PTPN14: variants seen among roughly 807,000 people sequenced by gnomAD.
The protein encoded by PTPN14 is protein tyrosine phosphatase non-receptor type 14.
PTPN14 carries 53 observed loss-of-function variants against 126.8 expected under a neutral mutation model. That is an observed-to-expected ratio of 0.42 (90% confidence interval 0.34 to 0.53). PTPN14 has a LOEUF of 0.53. Among genes scored for constraint, PTPN14 ranks in the 20% least tolerant of loss-of-function variants. PTPN14 has a pLI of 0.08. For synonymous variants in PTPN14, 630 were observed against 599.3 expected (o/e 1.05, Z -0.75); for missense variants, 1,257 against 1,552.9 (o/e 0.81, Z 3.20).
At chr1:214,379,862 T>C (rs1434303451) in intron 13 of PTPN14, among the ~76,000 whole-genome samples, 3 of 152,206 alleles carry the variant, frequency 2.0e-5, no homozygotes, top group Non-Finnish European at 4.4e-5. Flanking sequence ...AACCAAGCCA[T>C]GCCCCGACCA....
chr1:214,457,096 T>C (rs933356164), intron 2 of PTPN14, among the ~76,000 whole-genome samples: 4 of 152,204 alleles, frequency 2.6e-5, no homozygotes, highest in African/African-American at 9.7e-5. Flanking sequence ...GAAATATTCT[T>C]CATGTAAGTT....
At chr1:214,498,290 T>C (rs1654597042) in intron 1 of PTPN14, among the ~76,000 whole-genome samples, 1 of 152,180 alleles carries the variant, frequency 6.6e-6, no homozygotes, top group South Asian at 2.1e-4. Context: ...CATGATACTG[T>C]AGAGATTCAT....
Position 214,451,924 on chromosome 1 carries a change from C to G in PTPN14, c.225G>C (p.Trp75Cys). 1 of 1,614,204 alleles carries G rather than the reference C, an allele frequency of 6.2e-7. No individual in the cohort carries two copies. Among genetic ancestry groups the G allele is most frequent in the Non-Finnish European group, 8.5e-7 (1 of 1,180,032 alleles). Residue 75 changes from tryptophan (W) to cysteine (C), a missense_variant, in exon 3 of 19, where the codon TGG becomes TGC. Coordinates refer to ENST00000366956, the MANE Select transcript of PTPN14 (RefSeq NM_005401.5). The stretch of plus-strand genomic sequence containing the variant: ...TCTTCAGAGGTTTCTCCAGCTCCAC[C>G]CATCGTGCTTGCTGGCTCTTGCTGA... ...WFLSKSQQAR[W>C]VELEKPLKKH...
intron 1 of PTPN14, among the ~76,000 whole-genome samples, chr1:214,525,352 C>T (rs1204103255): frequency 6.6e-6 from 1 of 152,146 alleles, no homozygotes; most frequent in Non-Finnish European, 1.5e-5. Context: ...TATATCCAAA[C>T]AAAATTAATT....
intron 1 of PTPN14, among the ~76,000 whole-genome samples, chr1:214,468,137 G>C (rs547492663): frequency 6.6e-6 from 1 of 152,312 alleles, no homozygotes; most frequent in East Asian, 1.9e-4. Flanking sequence ...ATTTTCTTCA[G>C]ATTTTGATAG....
chr1:214,391,845 T>C (rs1658760300), intron 10 of PTPN14, among the ~76,000 whole-genome samples: 1 of 152,136 alleles, frequency 6.6e-6, no homozygotes, highest in African/African-American at 2.4e-5. Context: ...ATGGAGGTAA[T>C]ATAGCAATGG....
Position 214,364,701 on chromosome 1 carries a change from C to A in PTPN14, c.3272-26G>T. ...CTGCAGGACAAAATGCAAATTCTGT[C>A]ACCAAAGTCCTCCATGGCTTCGCAT... is the stretch of plus-strand genomic sequence containing the variant. On this transcript the variant is annotated intron_variant, in intron 17 of 18. Coordinates refer to ENST00000366956, the MANE Select transcript of PTPN14 (RefSeq NM_005401.5). The surrounding 1 kb of genome is among the most constrained non-coding windows in gnomAD (Gnocchi z 4.1). 1 of 1,600,620 alleles carries A rather than the reference C, an allele frequency of 6.2e-7. No homozygotes were observed.
intron 3 of PTPN14, among the ~76,000 whole-genome samples, chr1:214,446,560 A>C (rs1440340194): frequency 6.6e-6 from 1 of 152,206 alleles, no homozygotes; most frequent in African/African-American, 2.4e-5. Flanking sequence ...TTTATTAAAC[A>C]ATTTGCAATC....
intron 2 of PTPN14, among the ~76,000 whole-genome samples, chr1:214,463,547 C>A (rs1660559810): frequency 6.6e-6 from 1 of 152,122 alleles, no homozygotes; most frequent in Admixed American, 6.5e-5. Context: ...AGAAAAACAG[C>A]CAGCCTGTGG....
intron 3 of PTPN14, among the ~76,000 whole-genome samples, chr1:214,431,965 G>C (rs1280522265): frequency 6.6e-6 from 1 of 152,184 alleles, no homozygotes; most frequent in Non-Finnish European, 1.5e-5. Flanking sequence ...AGGATTGCTT[G>C]AGCCCAGGAG....
intron 3 of PTPN14, among the ~76,000 whole-genome samples, chr1:214,450,851 C>G (rs1055295718): frequency 6.6e-6 from 1 of 152,112 alleles, no homozygotes; most frequent in Non-Finnish European, 1.5e-5. Flanking sequence ...TACACAAATC[C>G]CTCACTTTAC....
intron 3 of PTPN14, among the ~76,000 whole-genome samples, chr1:214,441,314 G>A (rs1425200618): frequency 6.6e-6 from 1 of 152,160 alleles, no homozygotes; most frequent in Non-Finnish European, 1.5e-5. Context: ...GTGATGGAAC[G>A]CAACTACATT....
In PTPN14 at chr1:214,383,475, T is replaced by A; in HGVS notation, c.2380A>T (p.Thr794Ser). The change falls in exon 13 of 19, where the codon ACT becomes TCT. Residue 794 changes from threonine (T) to serine (S), a missense_variant. Physicochemically the swap from Thr to Ser is moderately conservative, Grantham distance 58 (BLOSUM62 1). Transcript: ENST00000366956. The surrounding 1 kb of genome is among the most constrained non-coding windows in gnomAD (Gnocchi z 4.4). ...GPAKAISMSR[T>S]DPPAVNGASL... ...GCCCCGTTGACAGCCGGCGGGTCAGTCCGAGACATGCTGATGGCCTTGGCT... is the reference window on the plus strand; with the variant it reads ...GCCCCGTTGACAGCCGGCGGGTCAGACCGAGACATGCTGATGGCCTTGGCT... The A allele has an allele frequency of 6.2e-7, 1 of 1,614,218 alleles. No homozygotes were observed. Among genetic ancestry groups the A allele is most frequent in the Non-Finnish European group, 8.5e-7 (1 of 1,180,040 alleles).
intron 18 of PTPN14, among the ~76,000 whole-genome samples, chr1:214,358,365 C>G (rs1314214574): frequency 1.3e-5 from 2 of 152,192 alleles, no homozygotes; most frequent in Non-Finnish European, 1.5e-5. Context: ...CTCCTGGGCT[C>G]AAGCAGTCCT....
chr1:214,519,568 C>G (rs965597416), intron 1 of PTPN14, among the ~76,000 whole-genome samples: 12 of 152,192 alleles, frequency 7.9e-5, no homozygotes, highest in Admixed American at 3.3e-4. Flanking sequence ...AGCAGGCTAA[C>G]ACTAAATTAT....
chr1:214,429,070 AT>A (rs1050227042), intron 3 of PTPN14, among the ~76,000 whole-genome samples: 2 of 152,204 alleles, frequency 1.3e-5, no homozygotes, highest in Admixed American at 1.3e-4. Flanking sequence ...GAAATCCCAA[AT>A]ATTGCCTCAC....
intron 18 of PTPN14, among the ~76,000 whole-genome samples, chr1:214,361,466 AG>A (rs1657954489): frequency 6.6e-6 from 1 of 152,190 alleles, no homozygotes; most frequent in Admixed American, 6.5e-5. Context: ...CTTCAATGAA[AG>A]GGTCCCAGCT....
chr1:214,383,710 C>T lies in PTPN14; in HGVS notation c.2145G>A (p.Glu715=), dbSNP rs138349057. The change falls in exon 13 of 19, where the codon GAG becomes GAA. Residue 715 remains glutamate (E), a synonymous_variant. Coordinates refer to ENST00000366956, the MANE Select transcript of PTPN14 (RefSeq NM_005401.5). The surrounding 1 kb of genome is among the most constrained non-coding windows in gnomAD (Gnocchi z 4.4). ...TCTGGGGCACCGATTCTGGAGCCTC[C>T]TCCTCCTCCTCCTCACTCTCGCTGC... The part of the protein sequence containing the change: ...IHSSESEEEE[E]EAPESVPQIP... 4 of 1,609,176 alleles carry T rather than the reference C, an allele frequency of 2.5e-6. No individual in the cohort carries two copies. Among genetic ancestry groups the T allele is most frequent in the Non-Finnish European group, 3.4e-6 (4 of 1,178,854 alleles).
intron 1 of PTPN14, among the ~76,000 whole-genome samples, chr1:214,518,113 T>A (rs878974963): frequency 6.6e-6 from 1 of 152,184 alleles, no homozygotes; most frequent in Non-Finnish European, 1.5e-5. Context: ...AAACAATAAA[T>A]GTTTGTCAAA....
Sources: gnomAD v4.1 joint callset for allele counts (sites outside exome capture counted in the v4.1 genomes callset) on GRCh38, gnomAD v4.1.1 for gene constraint, Gnocchi (gnomAD v3.1) non-coding constraint, MANE v1.5 for transcripts, NCBI Gene and HGNC (gene_info 2026-07-23, HGNC 2026-07-21) for gene names.